MDGA2: variants seen among roughly 807,000 people sequenced by gnomAD.
The protein encoded by MDGA2 is MAM domain containing glycosylphosphatidylinositol anchor 2.
Under a neutral mutation model 117.8 loss-of-function variants are expected in MDGA2, and 40 were observed. That is an observed-to-expected ratio of 0.34 (90% confidence interval 0.26 to 0.44). The LOEUF (loss-of-function observed/expected upper bound fraction) is 0.44, where lower values mean the gene tolerates loss of function less well. MDGA2 is among the 20% of genes least tolerant of loss of function. The pLI is 1.00. For missense variants in MDGA2, 1,123 were observed against 1,250.6 expected, an observed-to-expected ratio of 0.90 and a Z score of 1.54; for synonymous variants, 452 against 439.0, an observed-to-expected ratio of 1.03 and a Z score of -0.37.
chr14:47,172,369 C>A (rs187670638), intron 3 of MDGA2, among the ~76,000 whole-genome samples: 2 of 152,196 alleles, frequency 1.3e-5, no homozygotes, highest in Admixed American at 1.3e-4. Flanking sequence ...GACCCCTGAC[C>A]CCCGAGAAGC....
chr14:47,558,214 A>T (rs1895723933), intron 1 of MDGA2, among the ~76,000 whole-genome samples: 1 of 152,160 alleles, frequency 6.6e-6, no homozygotes, highest in Non-Finnish European at 1.5e-5. Flanking sequence ...AATGTTTTCT[A>T]AAAATAACAT....
intron 3 of MDGA2, among the ~76,000 whole-genome samples, chr14:47,167,327 A>C (rs1883925598): frequency 6.6e-6 from 1 of 152,172 alleles, no homozygotes; most frequent in Non-Finnish European, 1.5e-5. Flanking sequence ...CTCTTCTCAT[A>C]AAACTAATAA....
At chr14:47,419,629 G>T (rs1394889120) in intron 1 of MDGA2, among the ~76,000 whole-genome samples, 2 of 151,966 alleles carry the variant, frequency 1.3e-5, no homozygotes, top group African/African-American at 2.4e-5. Context: ...ACATATGCCA[G>T]CTATAATTCT....
chr14:47,005,142 T>C (rs971612570), intron 8 of MDGA2, among the ~76,000 whole-genome samples: 2 of 151,674 alleles, frequency 1.3e-5, no homozygotes, highest in African/African-American at 4.8e-5. Flanking sequence ...GGTTAATGAA[T>C]AGAAATAATA....
In MDGA2 at chr14:47,063,384, T is replaced by C. The variant is rs370641906; in HGVS notation, c.1196-1806A>G. Among the ~76,000 whole-genome samples, 15 of 152,122 alleles carry C rather than the reference T, an allele frequency of 9.9e-5. No homozygotes were observed. In the East Asian group the frequency reaches 2.9e-3, roughly 29 times the overall value. ...TACTCTAGGGTGAAATTAGGATACA[T>C]TTTGGTATTCTGTTACCTAGAATCA... On this transcript the variant is annotated intron_variant, in intron 6 of 16. Coordinates refer to ENST00000399232, the MANE Select transcript of MDGA2 (RefSeq NM_001113498.3).
chr14:47,078,223 A>G (rs1268634086), intron 6 of MDGA2, among the ~76,000 whole-genome samples: 1 of 152,142 alleles, frequency 6.6e-6, no homozygotes, highest in Non-Finnish European at 1.5e-5. Flanking sequence ...TTTAAGGTCT[A>G]CTAAAGATTC....
chr14:47,265,649 A>C (rs1887942058), intron 2 of MDGA2, among the ~76,000 whole-genome samples: 1 of 152,046 alleles, frequency 6.6e-6, no homozygotes. Context: ...AAAAAAAAAA[A>C]AAACTCATTA....
intron 8 of MDGA2, among the ~76,000 whole-genome samples, chr14:46,998,297 A>G (rs1887374303): frequency 6.6e-6 from 1 of 152,098 alleles, no homozygotes. Flanking sequence ...AGATGAAAAG[A>G]AAAAATAATA....
chr14:47,327,269 G>A (rs190345104), intron 1 of MDGA2, among the ~76,000 whole-genome samples: 2 of 152,290 alleles, frequency 1.3e-5, no homozygotes, highest in African/African-American at 4.8e-5. Flanking sequence ...GCTCAGCTGA[G>A]TCAGCCCATC....
intron 1 of MDGA2, among the ~76,000 whole-genome samples, chr14:47,492,824 T>G (rs566456674): frequency 1.3e-5 from 2 of 152,238 alleles, no homozygotes; most frequent in South Asian, 4.1e-4. Flanking sequence ...AATAAAAGTA[T>G]TATTTCCATG....
chr14:47,634,007 T>A (rs1594954252), intron 1 of MDGA2, among the ~76,000 whole-genome samples: 1 of 152,274 alleles, frequency 6.6e-6, no homozygotes, highest in East Asian at 1.9e-4. Flanking sequence ...GACCAAAGTG[T>A]ATGTAGCCAG....
At chr14:46,941,562 G>C (rs979136559) in intron 9 of MDGA2, among the ~76,000 whole-genome samples, 2 of 152,120 alleles carry the variant, frequency 1.3e-5, no homozygotes, top group Admixed American at 1.3e-4. Context: ...GACACCGGGA[G>C]GTTTGAGAGA....
rs937249856 is a variant in MDGA2 at position 47,278,326 on chromosome 14, G to A, written c.420+23085C>T. Reference sequence around the variant, plus strand: ...ACAAATAATAATTTTACATAGTCATGGGGTCCACAACGAGATTCTGATACA... The same window carrying A: ...ACAAATAATAATTTTACATAGTCATAGGGTCCACAACGAGATTCTGATACA... On this transcript the variant is annotated intron_variant, in intron 2 of 16. Coordinates refer to ENST00000399232, the MANE Select transcript of MDGA2 (RefSeq NM_001113498.3). Among the ~76,000 whole-genome samples the A allele has an allele frequency of 2.0e-5, 3 of 151,784 alleles. No homozygotes were observed. The East Asian group carries it at 5.8e-4, about 29-fold the overall frequency.
chr14:47,590,442 A>G (rs541436934), intron 1 of MDGA2, among the ~76,000 whole-genome samples: 130 of 152,012 alleles, frequency 8.6e-4, no homozygotes, highest in Non-Finnish European at 1.3e-3. Context: ...GGTGTAAAAA[A>G]ATACATTTAG....
intron 10 of MDGA2, among the ~76,000 whole-genome samples, chr14:46,902,636 T>G (rs887644050): frequency 6.6e-6 from 1 of 152,204 alleles, no homozygotes; most frequent in Non-Finnish European, 1.5e-5. Context: ...GCAGAATGTA[T>G]ATAATACAAG....
At chr14:47,486,015 T>C (rs1291316218) in intron 1 of MDGA2, among the ~76,000 whole-genome samples, 4 of 152,170 alleles carry the variant, frequency 2.6e-5, no homozygotes, top group Admixed American at 2.6e-4. Context: ...CACTGCCTAG[T>C]GCAGCTGTGA....
intron 6 of MDGA2, among the ~76,000 whole-genome samples, chr14:47,089,707 T>TA (rs1566617634): frequency 1.3e-5 from 2 of 152,064 alleles, no homozygotes. Context: ...TATGCAGCCA[T>TA]AAAAAAGGAT....
intron 1 of MDGA2, among the ~76,000 whole-genome samples, chr14:47,647,869 C>T (rs1420035509): frequency 6.6e-6 from 1 of 151,994 alleles, no homozygotes. Context: ...TTATATAGAT[C>T]CATTTTTGAA....
chr14:47,494,098 T>C (rs952516439), intron 1 of MDGA2, among the ~76,000 whole-genome samples: 1 of 152,194 alleles, frequency 6.6e-6, no homozygotes, highest in East Asian at 1.9e-4. Flanking sequence ...CCTGCTGCCA[T>C]GTGAAGAAGT....
Sources: gnomAD v4.1 joint callset for allele counts (sites outside exome capture counted in the v4.1 genomes callset) on GRCh38, gnomAD v4.1.1 for gene constraint, MANE v1.5 for transcripts, NCBI Gene and HGNC (gene_info 2026-07-23, HGNC 2026-07-21) for gene names.